Variants in COL19A1 observed in about 807,000 individuals in gnomAD.
The protein encoded by COL19A1 is collagen type XIX alpha 1 chain.
In COL19A1, 159 loss-of-function variants were observed where a neutral mutation model predicts 190.2. The ratio of observed to expected loss-of-function variants is 0.84; its 90% CI spans 0.73 to 0.95. The LOEUF (loss-of-function observed/expected upper bound fraction) is 0.95, where lower values mean the gene tolerates loss of function less well. Among genes scored for constraint, COL19A1 ranks in the 40% least tolerant of loss-of-function variants. COL19A1 has a pLI of 0.00. For missense variants in COL19A1, 1,418 were observed against 1,431.9 expected (o/e 0.99, Z 0.16); for synonymous variants, 509 against 458.9 (o/e 1.11, Z -1.39).
intron 34 of COL19A1, among the ~76,000 whole-genome samples, chr6:70,158,205 A>G (rs1238438163): frequency 2.0e-5 from 3 of 152,134 alleles, no homozygotes; most frequent in Admixed American, 2.0e-4. Flanking sequence ...CTTTTTCTTT[A>G]GCAGATGGGA....
intron 7 of COL19A1, among the ~76,000 whole-genome samples, chr6:69,935,141 A>ATAT (rs945534643): frequency 6.6e-6 from 1 of 152,076 alleles, no homozygotes; most frequent in African/African-American, 2.4e-5. Context: ...TGAAGAACAA[A>ATAT]TATTAAGAGA....
At chr6:69,934,017 A>G (rs566351716) in intron 7 of COL19A1, among the ~76,000 whole-genome samples, 9 of 152,186 alleles carry the variant, frequency 5.9e-5, no homozygotes, top group African/African-American at 2.2e-4. Context: ...AGAAAATTAT[A>G]TGAAAATTTT....
chr6:69,950,297 A>T (rs1472588577), intron 9 of COL19A1, among the ~76,000 whole-genome samples: 1 of 151,886 alleles, frequency 6.6e-6, no homozygotes, highest in Non-Finnish European at 1.5e-5. Flanking sequence ...TGAGGACTCT[A>T]ATAAGGATGA....
intron 10 of COL19A1, among the ~76,000 whole-genome samples, chr6:69,961,080 C>T (rs767296166): frequency 1.3e-5 from 2 of 152,216 alleles, no homozygotes; most frequent in East Asian, 1.9e-4. Context: ...ATAATCCCGC[C>T]GCAGGAGAGA....
At chr6:70,088,275 C>T (rs1245201956) in intron 15 of COL19A1, among the ~76,000 whole-genome samples, 3 of 151,806 alleles carry the variant, frequency 2.0e-5, no homozygotes, top group Non-Finnish European at 4.4e-5. Flanking sequence ...GTTTTTATTC[C>T]TTTTTTTTCC....
intron 2 of COL19A1, among the ~76,000 whole-genome samples, chr6:69,896,366 T>C (rs1769745054): frequency 6.6e-6 from 1 of 150,580 alleles, no homozygotes; most frequent in Non-Finnish European, 1.5e-5. Context: ...TGAAACCCCG[T>C]CTCTACTAAA....
intron 46 of COL19A1, among the ~76,000 whole-genome samples, chr6:70,186,094 T>A (rs1221618610): frequency 6.6e-6 from 1 of 152,164 alleles, no homozygotes; most frequent in Non-Finnish European, 1.5e-5. Context: ...ATTGATCTTT[T>A]CTTGTCTGTA....
intron 4 of COL19A1, among the ~76,000 whole-genome samples, chr6:69,907,318 C>T (rs1770625159): frequency 6.6e-6 from 1 of 151,816 alleles, no homozygotes; most frequent in African/African-American, 2.4e-5. Flanking sequence ...TTAGTAGAGA[C>T]AGGGTTTCAC....
At chr6:70,023,414 G>C (rs181434090) in intron 11 of COL19A1, among the ~76,000 whole-genome samples, 38 of 152,260 alleles carry the variant, frequency 2.5e-4, no homozygotes, top group African/African-American at 7.7e-4. Context: ...AGGATTACAG[G>C]TGTGAACCAC....
intron 14 of COL19A1, among the ~76,000 whole-genome samples, chr6:70,065,660 A>G (rs957539755): frequency 4.6e-5 from 7 of 152,244 alleles, no homozygotes; most frequent in African/African-American, 1.7e-4. Context: ...CTGCCATCAG[A>G]GTGAACAGGC....
intron 15 of COL19A1, 108 bp downstream of exon 15, chr6:70,068,584 G>A: frequency 1.6e-6 from 1 of 624,660 alleles, no homozygotes. Flanking sequence ...GGCATATGGA[G>A]AGTATCAATT....
intron 15 of COL19A1, among the ~76,000 whole-genome samples, chr6:70,097,298 A>C (rs1192404027): frequency 6.6e-6 from 1 of 152,060 alleles, no homozygotes; most frequent in Non-Finnish European, 1.5e-5. Context: ...GATCCTCCTG[A>C]GGTTTCCTAT....
intron 15 of COL19A1, among the ~76,000 whole-genome samples, chr6:70,084,159 A>G (rs921482613): frequency 6.6e-6 from 1 of 152,168 alleles, no homozygotes; most frequent in Non-Finnish European, 1.5e-5. Context: ...GTTATTTGAT[A>G]GATTTAGGTA....
chr6:69,983,607 G>T (rs1160946105), intron 11 of COL19A1, among the ~76,000 whole-genome samples: 1 of 152,026 alleles, frequency 6.6e-6, no homozygotes, highest in Non-Finnish European at 1.5e-5. Context: ...CTTTTGTAGA[G>T]ACCCTTTCTT....
intron 9 of COL19A1, among the ~76,000 whole-genome samples, chr6:69,959,026 G>A (rs1198765429): frequency 6.6e-6 from 1 of 152,180 alleles, no homozygotes; most frequent in African/African-American, 2.4e-5. Context: ...ATTTTGAGCT[G>A]TCTAAACCTG....
At chr6:70,110,478 A>T (rs1407926370) in intron 16 of COL19A1, among the ~76,000 whole-genome samples, 1 of 152,210 alleles carries the variant, frequency 6.6e-6, no homozygotes, top group African/African-American at 2.4e-5. Context: ...AAATATAGAC[A>T]CATAAGACCT....
intron 16 of COL19A1, among the ~76,000 whole-genome samples, chr6:70,112,381 T>G (rs1784330861): frequency 6.6e-6 from 1 of 152,218 alleles, no homozygotes; most frequent in African/African-American, 2.4e-5. Context: ...CTGCTGCTCC[T>G]TATATTGCAG....
chr6:70,034,239 C>G lies in COL19A1; in HGVS notation c.1081-6C>G. The G allele has an allele frequency of 6.2e-7, 1 of 1,604,620 alleles. No individual in the cohort carries two copies. The highest frequency in any genetic ancestry group is 8.5e-7 in the Non-Finnish European group (1 of 1,171,318). On this transcript the variant is annotated splice_region_variant and splice_polypyrimidine_tract_variant and intron_variant, in intron 12 of 50. Transcript: ENST00000620364. ...GAACTGTGTATTGGTTATATTCTTT[C>G]TACAGGGTTTGAAAGGTGACTTGGG...
At chr6:70,128,771 G>T (rs917438714) in intron 17 of COL19A1, among the ~76,000 whole-genome samples, 2 of 152,184 alleles carry the variant, frequency 1.3e-5, no homozygotes, top group Non-Finnish European at 2.9e-5. Flanking sequence ...ATGTAAGAAA[G>T]AGAACACACT....
Sources: allele counts gnomAD v4.1 joint callset (sites outside exome capture counted in the v4.1 genomes callset), GRCh38; gene constraint gnomAD v4.1.1; transcripts MANE v1.5; gene names NCBI Gene and HGNC (gene_info 2026-07-23, HGNC 2026-07-21).